The following ZCCHC14 variants were observed in gnomAD, a reference collection of about 807,000 sequenced individuals.
ZCCHC14 encodes the protein zinc finger CCHC-type containing 14.
A neutral mutation model predicts 85.0 loss-of-function variants in ZCCHC14; 16 were observed. The observed-to-expected ratio is 0.19, with a 90% confidence interval of 0.13 to 0.29. The LOEUF is 0.29. ZCCHC14 is among the 10% of genes least tolerant of loss of function. ZCCHC14 has a pLI of 1.00. For missense variants in ZCCHC14, 1,303 were observed against 1,443.5 expected (o/e 0.90, Z 1.58); for synonymous variants, 775 against 630.7 (o/e 1.23, Z -3.43).
At chr16:87,422,260 G>A (rs1022804371) in intron 4 of ZCCHC14, among the ~76,000 whole-genome samples, 3 of 152,108 alleles carry the variant, frequency 2.0e-5, no homozygotes, top group Non-Finnish European at 2.9e-5. Context: ...TGAGGGGATC[G>A]GCTGGTGTGG....
At chr16:87,434,080 G>A (rs1304175569) in intron 2 of ZCCHC14, among the ~76,000 whole-genome samples, 1 of 152,194 alleles carries the variant, frequency 6.6e-6, no homozygotes, top group Non-Finnish European at 1.5e-5. Context: ...AAGCTGCACG[G>A]GATGGACAGC....
At chr16:87,453,571 A>G (rs923379213) in intron 2 of ZCCHC14, among the ~76,000 whole-genome samples, 2 of 152,234 alleles carry the variant, frequency 1.3e-5, no homozygotes, top group Non-Finnish European at 2.9e-5. Context: ...TGGCTGCCCC[A>G]GCCACGGTGG....
intron 1 of ZCCHC14, among the ~76,000 whole-genome samples, chr16:87,486,637 T>G (rs1307039836): frequency 2.6e-5 from 4 of 152,180 alleles, no homozygotes; most frequent in Non-Finnish European, 5.9e-5. Context: ...GGACAGTGTT[T>G]TAGACCTGTA....
intron 5 of ZCCHC14, 53 bp from the exon 6 acceptor site, chr16:87,419,930 G>A (rs569383772): frequency 1.3e-5 from 19 of 1,463,478 alleles, no homozygotes; most frequent in South Asian, 8.9e-5. Flanking sequence ...TCCTGCTGAC[G>A]AATTGAAAGA....
rs560604877 is a variant in ZCCHC14 at position 87,444,639 on chromosome 16, G to A, written c.695-11438C>T. ...AGCGTAGCATGTTCCTGGCAAAGAT[G>A]TACAGCCTGAATCTAGTCAGGAGAA... On this transcript the variant is annotated intron_variant, in intron 2 of 12. Coordinates refer to ENST00000671377, the MANE Select transcript of ZCCHC14 (RefSeq NM_015144.3). Among the ~76,000 whole-genome samples, 10 of 152,296 alleles carry A rather than the reference G, an allele frequency of 6.6e-5. No homozygotes were observed. The South Asian group carries it at 8.3e-4, about 13-fold the overall frequency.
intron 1 of ZCCHC14, among the ~76,000 whole-genome samples, chr16:87,460,829 C>G (rs189259008): frequency 4.7e-4 from 72 of 152,340 alleles, no homozygotes; most frequent in Non-Finnish European, 9.0e-4. Context: ...TAACATTCTC[C>G]TTCTATAAAT....
intron 2 of ZCCHC14, among the ~76,000 whole-genome samples, chr16:87,440,379 G>C (rs1248692962): frequency 6.6e-6 from 1 of 152,044 alleles, no homozygotes; most frequent in Non-Finnish European, 1.5e-5. Context: ...TGGTCAGGCT[G>C]GTCTCGAACT....
Position 87,492,249 on chromosome 16 carries a change from G to A in ZCCHC14, c.-11C>T. 3 of 981,736 alleles carry A rather than the reference G, an allele frequency of 3.1e-6. No individual in the cohort carries two copies. Among genetic ancestry groups the A allele is most frequent in the South Asian group, 9.4e-5 (2 of 21,262 alleles). 60.8% of individuals were successfully genotyped at this position (981,736 alleles called of 1,614,324 possible). ...GCGCTTCTCCACCATGCTGCCGCCC[G>A]CGCCGCGCCGCGACCCGGGGCCGGG... On this transcript the variant is annotated 5_prime_UTR_variant, in exon 1 of 13. Coordinates refer to ENST00000671377, the MANE Select transcript of ZCCHC14 (RefSeq NM_015144.3). The surrounding 1 kb of genome is among the most constrained non-coding windows in gnomAD (Gnocchi z 6.7).
intron 10 of ZCCHC14, among the ~76,000 whole-genome samples, chr16:87,414,151 G>A (rs1908642388): frequency 6.6e-6 from 1 of 150,836 alleles, no homozygotes; most frequent in South Asian, 2.1e-4. Flanking sequence ...CCACCTGCCC[G>A]GCACACGGGC....
chr16:87,422,471 C>T (rs11641296), intron 4 of ZCCHC14, among the ~76,000 whole-genome samples: 112,873 of 151,732 alleles, frequency 0.74, 44,417 homozygotes, highest in Non-Finnish European at 0.88. Context: ...ACACCTGTAA[C>T]ACCAGTACTC....
At chr16:87,483,150 A>G (rs1168495218) in intron 1 of ZCCHC14, among the ~76,000 whole-genome samples, 1 of 151,876 alleles carries the variant, frequency 6.6e-6, no homozygotes, top group Non-Finnish European at 1.5e-5. Context: ...CTTGAAACTT[A>G]CGGAGTTTCT....
chr16:87,439,972 TAA>T (rs1202529708), intron 2 of ZCCHC14, among the ~76,000 whole-genome samples: 1 of 152,218 alleles, frequency 6.6e-6, no homozygotes, highest in Non-Finnish European at 1.5e-5. Context: ...CAAGCATTTT[TAA>T]AAGTTTATTT....
chr16:87,482,614 A>C (rs1244699306), intron 1 of ZCCHC14, among the ~76,000 whole-genome samples: 3 of 152,246 alleles, frequency 2.0e-5, no homozygotes, highest in Non-Finnish European at 4.4e-5. Flanking sequence ...AAGAGTATCC[A>C]ATGAACCTGG....
intron 2 of ZCCHC14, among the ~76,000 whole-genome samples, chr16:87,445,192 A>G (rs918350564): frequency 2.6e-5 from 4 of 151,810 alleles, no homozygotes; most frequent in African/African-American, 7.3e-5. Flanking sequence ...TCAGCCTCCG[A>G]AGCAGCTGGG....
At chr16:87,462,011 T>C (rs1265030061) in intron 1 of ZCCHC14, among the ~76,000 whole-genome samples, 2 of 151,952 alleles carry the variant, frequency 1.3e-5, no homozygotes, top group Non-Finnish European at 2.9e-5. Flanking sequence ...CTCATGGCTA[T>C]AATCCCAGCA....
In ZCCHC14 at chr16:87,423,900, A is replaced by C. The variant is rs1324489860; in HGVS notation, c.769-19T>G. On this transcript the variant is annotated intron_variant, in intron 3 of 12. Transcript: ENST00000671377. ...ACAAGACCTTAAAAACAAACAAACAAACAAACCTTAGAAACAGACACCACA... is the reference window on the plus strand; with the variant it reads ...ACAAGACCTTAAAAACAAACAAACACACAAACCTTAGAAACAGACACCACA... The C allele has an allele frequency of 6.2e-7, 1 of 1,612,910 alleles. No individual in the cohort carries two copies. Among genetic ancestry groups the C allele is most frequent in the Admixed American group, 1.7e-5 (1 of 59,886 alleles).
At chr16:87,489,630 C>T (rs1279429099) in intron 1 of ZCCHC14, among the ~76,000 whole-genome samples, 1 of 152,146 alleles carries the variant, frequency 6.6e-6, no homozygotes, top group Non-Finnish European at 1.5e-5. Flanking sequence ...GGATCCTGGC[C>T]AAGGTTGCAC....
chr16:87,436,154 G>A (rs1224261322), intron 2 of ZCCHC14, among the ~76,000 whole-genome samples: 7 of 152,212 alleles, frequency 4.6e-5, no homozygotes, highest in Admixed American at 4.6e-4. Flanking sequence ...AAACCCATCT[G>A]GACTGAGAGT....
At chr16:87,442,008 G>A (rs1246147264) in intron 2 of ZCCHC14, among the ~76,000 whole-genome samples, 2 of 152,252 alleles carry the variant, frequency 1.3e-5, no homozygotes, top group Non-Finnish European at 2.9e-5. Flanking sequence ...GCACAGCAGA[G>A]AGGGCTAAAG....
Sources: gnomAD v4.1 joint callset for allele counts (sites outside exome capture counted in the v4.1 genomes callset) on GRCh38, gnomAD v4.1.1 for gene constraint, Gnocchi (gnomAD v3.1) non-coding constraint, MANE v1.5 for transcripts, NCBI Gene and HGNC (gene_info 2026-07-23, HGNC 2026-07-21) for gene names.